The following TOX variants were observed in gnomAD, a reference collection of about 807,000 sequenced individuals.
TOX encodes thymocyte selection-associated high mobility group box protein TOX.
A neutral mutation model predicts 53.7 loss-of-function variants in TOX; 11 were observed. That is an observed-to-expected ratio of 0.20 (90% CI 0.13 to 0.34). The LOEUF is 0.34. Ranked by LOEUF, TOX falls within the 10% of genes least tolerant of loss-of-function variation. The pLI is 1.00. For synonymous variants in TOX, 225 were observed against 245.3 expected (o/e 0.92, Z 0.77); for missense variants, 570 against 664.6 (o/e 0.86, Z 1.56).
chr8:58,904,587 A>G (rs927173340), intron 3 of TOX, among the ~76,000 whole-genome samples: 1 of 152,176 alleles, frequency 6.6e-6, no homozygotes, highest in Non-Finnish European at 1.5e-5. Flanking sequence ...AATGGCTCAG[A>G]GATAATAGCT....
intron 5 of TOX, among the ~76,000 whole-genome samples, chr8:58,832,967 T>A (rs2129166442): frequency 6.6e-6 from 1 of 152,300 alleles, no homozygotes; most frequent in South Asian, 2.1e-4. Context: ...GCAAGTGAGA[T>A]CTGCTCATTA....
chr8:58,838,198 C>G lies in TOX; in HGVS notation c.807G>C (p.Ala269=). The G allele has an allele frequency of 6.2e-7, 1 of 1,614,192 alleles. No homozygotes were observed. The highest frequency in any genetic ancestry group is 8.5e-7 in the Non-Finnish European group (1 of 1,180,002). Residue 269 remains alanine, a synonymous_variant, in exon 5 of 9, where the codon GCG becomes GCC. Coordinates refer to ENST00000361421, the MANE Select transcript of TOX (RefSeq NM_014729.3). ...NEPQKPVSAY[A]LFFRDTQAAI... ...CGGCCTGAGTATCACGAAAGAATAA[C>G]GCATAGGCAGACACAGGCTTCTGGG...
At chr8:59,067,565 T>TAAATAA (rs1804116334) in intron 1 of TOX, among the ~76,000 whole-genome samples, 1 of 151,818 alleles carries the variant, frequency 6.6e-6, no homozygotes, top group Admixed American at 6.6e-5. Flanking sequence ...AAAACATAAA[T>TAAATAA]AAATAAAATA....
chr8:58,823,257 C>T (rs570981536), intron 6 of TOX, among the ~76,000 whole-genome samples: 1 of 152,224 alleles, frequency 6.6e-6, no homozygotes, highest in East Asian at 1.9e-4. Context: ...GAGTATTACT[C>T]TGTCGCCCAG....
chr8:59,011,448 C>G (rs539908394), intron 1 of TOX, among the ~76,000 whole-genome samples: 7 of 152,304 alleles, frequency 4.6e-5, no homozygotes, highest in Admixed American at 1.3e-4. Context: ...GTTTCCATTT[C>G]TATGTTTGTT....
intron 3 of TOX, among the ~76,000 whole-genome samples, chr8:58,858,734 T>G (rs1206554418): frequency 6.6e-6 from 1 of 152,234 alleles, no homozygotes; most frequent in Admixed American, 6.5e-5. Flanking sequence ...CTGTGACAAG[T>G]GCTTCCTCTC....
chr8:58,998,536 T>TA (rs11272464), intron 1 of TOX, among the ~76,000 whole-genome samples: 993 of 37,764 alleles, frequency 0.026, 24 homozygotes, highest in Non-Finnish European at 0.037. Context: ...TATATATATA[T>TA]ATAAATTTAT....
chr8:58,970,150 A>G (rs1292165971), intron 1 of TOX, among the ~76,000 whole-genome samples: 1 of 152,194 alleles, frequency 6.6e-6, no homozygotes, highest in Middle Eastern at 3.2e-3. Context: ...AATCCTCACA[A>G]CAACCCCACA....
chr8:58,828,127 G>C (rs1444809556), intron 5 of TOX, among the ~76,000 whole-genome samples: 1 of 152,216 alleles, frequency 6.6e-6, no homozygotes, highest in Non-Finnish European at 1.5e-5. Context: ...TTTGGCAGCA[G>C]GGGTCAATTT....
At chr8:59,003,432 G>A (rs915922897) in intron 1 of TOX, among the ~76,000 whole-genome samples, 2 of 152,126 alleles carry the variant, frequency 1.3e-5, no homozygotes, top group Admixed American at 6.6e-5. Context: ...ATCTATTAGC[G>A]ATGGGATTTT....
chr8:58,838,015 A>C, intron 5 of TOX, 66 bp downstream of exon 5: 1 of 1,452,038 alleles, frequency 6.9e-7, no homozygotes, highest in Non-Finnish European at 9.5e-7. Context: ...AAGCCCTGGG[A>C]GGCCATTTCT....
At chr8:58,977,703 T>C (rs142811096) in intron 1 of TOX, among the ~76,000 whole-genome samples, 1 of 152,088 alleles carries the variant, frequency 6.6e-6, no homozygotes, top group Non-Finnish European at 1.5e-5. Context: ...TTGTTATGAC[T>C]CAGAAAATAG....
At chr8:58,965,907 T>G (rs1027472745) in intron 1 of TOX, among the ~76,000 whole-genome samples, 5 of 145,170 alleles carry the variant, frequency 3.4e-5, no homozygotes, top group East Asian at 2.0e-4. Flanking sequence ...TTTTTTTTTT[T>G]TTTTTTTTTT....
intron 1 of TOX, among the ~76,000 whole-genome samples, chr8:59,006,090 A>G (rs957548239): frequency 1.3e-5 from 2 of 152,228 alleles, no homozygotes; most frequent in Non-Finnish European, 2.9e-5. Flanking sequence ...CAGATCTTCT[A>G]ATGTTCAAAT....
chr8:59,052,877 T>A lies in TOX; in HGVS notation c.102+66009A>T, dbSNP rs578259551. Among the ~76,000 whole-genome samples the A allele has an allele frequency of 8.5e-5, 13 of 152,296 alleles. No homozygotes were observed. In the East Asian group the frequency reaches 1.7e-3, roughly 20 times the overall value. The stretch of plus-strand genomic sequence containing the variant: ...CACGTAGAAGCTGTAAAATAAAAAA[T>A]TTTAATGTGCCCTACTTTCGTATCA... On this transcript the variant is annotated intron_variant, in intron 1 of 8. Coordinates refer to ENST00000361421, the MANE Select transcript of TOX (RefSeq NM_014729.3).
chr8:58,990,522 C>A (rs931110539), intron 1 of TOX, among the ~76,000 whole-genome samples: 3 of 152,012 alleles, frequency 2.0e-5, no homozygotes, highest in African/African-American at 7.3e-5. Context: ...AGAGAAAGCA[C>A]TCCTCTGTTT....
At position 58,815,739 on chromosome 8, in the gene TOX, A is replaced by C; in HGVS notation, c.1006-15T>G. ...TCACTGTAGCTCTGTTGAGGAAATA[A>C]ATGAGCAGAGTTGGGAGGCTGATAC... On this transcript the variant is annotated splice_polypyrimidine_tract_variant and intron_variant, in intron 6 of 8. Coordinates refer to ENST00000361421, the MANE Select transcript of TOX (RefSeq NM_014729.3). 6.3e-7 allele frequency: 1 copy of C among 1,590,896 alleles called. No homozygotes were observed.
chr8:59,097,223 T>G lies in TOX; in HGVS notation c.102+21663A>C, dbSNP rs111338069. Among the ~76,000 whole-genome samples the G allele has an allele frequency of 9.5e-4, 145 of 152,270 alleles. 2 individuals carry two copies. Among genetic ancestry groups the G allele is most frequent in the African/African-American group, 3.4e-3 (140 of 41,546 alleles). On this transcript the variant is annotated intron_variant, in intron 1 of 8. Transcript: ENST00000361421. ...TAACAAGTTTGTGTCTGCGCTGGTG[T>G]GAGCTTACAAACAATGCCACCAACT...
At chr8:58,812,301 A>G (rs1000810419) in intron 7 of TOX, among the ~76,000 whole-genome samples, 3 of 152,122 alleles carry the variant, frequency 2.0e-5, no homozygotes, top group Admixed American at 6.6e-5. Context: ...CTTCACCTGC[A>G]GGATCCCACT....
Sources: allele counts gnomAD v4.1 joint callset (sites outside exome capture counted in the v4.1 genomes callset), GRCh38; gene constraint gnomAD v4.1.1; transcripts MANE v1.5; gene names NCBI Gene and HGNC (gene_info 2026-07-23, HGNC 2026-07-21).